Variants in SLC25A31 observed in about 807,000 individuals in gnomAD.
SLC25A31 encodes solute carrier family 25 member 31, also known as ADP/ATP translocase 4.
In SLC25A31, 40 loss-of-function variants were observed where a neutral mutation model predicts 36.2. The observed-to-expected ratio is 1.10, with a 90% confidence interval of 0.86 to 1.44. The LOEUF (loss-of-function observed/expected upper bound fraction) is 1.44. SLC25A31 is among the 40% of genes most tolerant of loss of function. The probability of loss-of-function intolerance (pLI) is 0.00; values close to 1 mark genes in which losing one functional copy is unlikely to be tolerated. For synonymous variants in SLC25A31, 143 were observed against 149.7 expected, an observed-to-expected ratio of 0.96 and a Z score of 0.32; for missense variants, 350 against 397.1, an observed-to-expected ratio of 0.88 and a Z score of 1.01.
At chr4:127,736,132 G>A (rs1014961146) in intron 1 of SLC25A31, among the ~76,000 whole-genome samples, 2 of 151,594 alleles carry the variant, frequency 1.3e-5, no homozygotes, top group East Asian at 1.9e-4. Context: ...CTCGTGATCC[G>A]CCCGCCTCGG....
chr4:127,733,020 A>G (rs1487585740), intron 1 of SLC25A31, among the ~76,000 whole-genome samples: 1 of 152,190 alleles, frequency 6.6e-6, no homozygotes, highest in Non-Finnish European at 1.5e-5. Context: ...CTCCCCTTCG[A>G]TTTTCGTGTA....
chr4:127,759,959 G>A (rs1036678617), intron 2 of SLC25A31, among the ~76,000 whole-genome samples: 5 of 152,144 alleles, frequency 3.3e-5, no homozygotes, highest in African/African-American at 1.2e-4. Context: ...TGAAATTATA[G>A]TGATGGAAAA....
At chr4:127,754,549 A>AC (rs1560636315) in intron 2 of SLC25A31, among the ~76,000 whole-genome samples, 2 of 151,352 alleles carry the variant, frequency 1.3e-5, no homozygotes, top group African/African-American at 4.8e-5. Context: ...AAAAAAAAAA[A>AC]ACACAAAATG....
intron 1 of SLC25A31, among the ~76,000 whole-genome samples, chr4:127,740,176 C>A (rs1029545039): frequency 6.6e-6 from 1 of 152,176 alleles, no homozygotes; most frequent in African/African-American, 2.4e-5. Context: ...TCCTTCTCAA[C>A]TGGAGACACT....
At chr4:127,769,813 G>C (rs1294093705) in intron 5 of SLC25A31, among the ~76,000 whole-genome samples, 1 of 152,210 alleles carries the variant, frequency 6.6e-6, no homozygotes, top group African/African-American at 2.4e-5. Context: ...GTTTACTTCA[G>C]TCAGTGAGAG....
chr4:127,743,579 A>C (rs1228598674), intron 1 of SLC25A31, among the ~76,000 whole-genome samples: 1 of 152,182 alleles, frequency 6.6e-6, no homozygotes, highest in African/African-American at 2.4e-5. Flanking sequence ...ATGCTCAGTA[A>C]GTAGTAGTTG....
intron 5 of SLC25A31, among the ~76,000 whole-genome samples, chr4:127,772,157 C>T (rs753866828): frequency 6.6e-6 from 1 of 152,134 alleles, no homozygotes; most frequent in Non-Finnish European, 1.5e-5. Flanking sequence ...TGGAATTAAA[C>T]GTTCATTGAA....
chr4:127,761,601 A>G (rs573369112), intron 2 of SLC25A31, among the ~76,000 whole-genome samples: 1 of 152,090 alleles, frequency 6.6e-6, no homozygotes, highest in East Asian at 1.9e-4. Context: ...TACTTTTTTT[A>G]CTTACTGATA....
chr4:127,773,319 A>T, intron 5 of SLC25A31, 67 bp from the exon 6 acceptor site: 4 of 1,415,184 alleles, frequency 2.8e-6, no homozygotes, highest in Non-Finnish European at 3.9e-6. Flanking sequence ...CCTTAGTGCT[A>T]ATAGAAGACT....
chr4:127,747,996 AAC>A lies in SLC25A31; in HGVS notation c.360+3199_360+3200del, dbSNP rs1731855144. Among the ~76,000 whole-genome samples the A allele has an allele frequency of 4.6e-5, 7 of 152,338 alleles. No individual in the cohort carries two copies. The South Asian group carries it at 1.5e-3, about 32-fold the overall frequency. On this transcript the variant is annotated intron_variant, in intron 2 of 5. Coordinates refer to ENST00000281154, the MANE Select transcript of SLC25A31 (RefSeq NM_031291.4). ...GTAGACAGAATACTTACTTCCCAAG[AAC>A]ATACGACAACACGTGATGTGTTGCC...
At chr4:127,765,736 AAGTT>A (rs962774009) in intron 3 of SLC25A31, among the ~76,000 whole-genome samples, 2 of 152,202 alleles carry the variant, frequency 1.3e-5, no homozygotes, top group African/African-American at 4.8e-5. Context: ...CTAGGGAAAA[AAGTT>A]AGAAGAGAGT....
intron 2 of SLC25A31, among the ~76,000 whole-genome samples, chr4:127,755,904 G>C (rs1732022730): frequency 6.6e-6 from 1 of 152,114 alleles, no homozygotes; most frequent in Admixed American, 6.5e-5. Flanking sequence ...GTGGTGGTGT[G>C]TTCCTGTAAT....
At chr4:127,766,407 C>A (rs906200558) in intron 3 of SLC25A31, among the ~76,000 whole-genome samples, 4 of 150,552 alleles carry the variant, frequency 2.7e-5, no homozygotes. Flanking sequence ...ACCTCGTGAT[C>A]CACCCACCTC....
chr4:127,739,442 G>A (rs572294696), intron 1 of SLC25A31, among the ~76,000 whole-genome samples: 35 of 152,318 alleles, frequency 2.3e-4, no homozygotes, highest in African/African-American at 8.2e-4. Context: ...GGCTTGTAGT[G>A]TTTCTGCTGA....
At chr4:127,748,539 C>T (rs1423200277) in intron 2 of SLC25A31, among the ~76,000 whole-genome samples, 1 of 152,198 alleles carries the variant, frequency 6.6e-6, no homozygotes, top group East Asian at 1.9e-4. Flanking sequence ...ACAGGCCTAC[C>T]ATCAATGAAA....
At chr4:127,771,548 C>T (rs185259526) in intron 5 of SLC25A31, among the ~76,000 whole-genome samples, 1 of 152,294 alleles carries the variant, frequency 6.6e-6, no homozygotes, top group Non-Finnish European at 1.5e-5. Flanking sequence ...TAATCTGCAA[C>T]TAATATCAGT....
chr4:127,746,198 A>C (rs1731823277), intron 2 of SLC25A31, among the ~76,000 whole-genome samples: 1 of 152,100 alleles, frequency 6.6e-6, no homozygotes, highest in South Asian at 2.1e-4. Flanking sequence ...TTCTTTATCC[A>C]ATCTGCCATT....
chr4:127,747,461 G>T (rs1355333591), intron 2 of SLC25A31, among the ~76,000 whole-genome samples: 1 of 152,036 alleles, frequency 6.6e-6, no homozygotes, highest in African/African-American at 2.4e-5. Context: ...ACAAAACACT[G>T]CTCATAGAAA....
intron 1 of SLC25A31, among the ~76,000 whole-genome samples, chr4:127,741,026 GT>G (rs995739916): frequency 2.6e-5 from 4 of 152,156 alleles, no homozygotes; most frequent in African/African-American, 9.7e-5. Context: ...GAATGATACT[GT>G]TTTATTACTT....
Sources: gnomAD v4.1 joint callset for allele counts (sites outside exome capture counted in the v4.1 genomes callset) on GRCh38, gnomAD v4.1.1 for gene constraint, MANE v1.5 for transcripts, NCBI Gene and HGNC (gene_info 2026-07-23, HGNC 2026-07-21) for gene names.